ZC3H18: variants seen among roughly 807,000 people sequenced by gnomAD.
ZC3H18 encodes the protein zinc finger CCCH domain-containing protein 18.
In ZC3H18, 8 loss-of-function variants were observed where a neutral mutation model predicts 106.1. That is an observed-to-expected ratio of 0.08 (90% CI 0.04 to 0.14). The LOEUF is 0.14. Among genes scored for constraint, ZC3H18 ranks in the 10% least tolerant of loss-of-function variants. The pLI, the probability that ZC3H18 is intolerant of heterozygous loss-of-function variation, is 1.00. For missense variants in ZC3H18, 1,318 were observed against 1,278.4 expected (o/e 1.03, Z -0.47); for synonymous variants, 635 against 522.1 (o/e 1.22, Z -2.95).
At chr16:88,610,973 T>C (rs1330349661) in intron 7 of ZC3H18, among the ~76,000 whole-genome samples, 3 of 151,982 alleles carry the variant, frequency 2.0e-5, no homozygotes, top group Non-Finnish European at 4.4e-5. Context: ...TTTGCTCTAA[T>C]TTGGCATCTG....
chr16:88,627,397 C>G lies in ZC3H18; in HGVS notation c.2109-225C>G, dbSNP rs986857744. 2.9e-5 allele frequency: 15 copies of G among 514,206 alleles called. No individual in the cohort carries two copies. Among genetic ancestry groups the G allele is most frequent in the Non-Finnish European group, 4.7e-5 (14 of 296,194 alleles). 31.9% of individuals were successfully genotyped at this position (514,206 alleles called of 1,614,324 possible). On this transcript the variant is annotated intron_variant, in intron 13 of 17. Coordinates refer to ENST00000301011, the MANE Select transcript of ZC3H18 (RefSeq NM_144604.4). This position sits in a 1 kb window ranked among gnomAD's most constrained non-coding sequence, Gnocchi z 4.5. ...GGATTACAGGCGTGAGCAGCCGTGC[C>G]TGGCTGCAACCTGACATTGATTAGT...
intron 3 of ZC3H18, among the ~76,000 whole-genome samples, chr16:88,587,319 GGGGGATTC>G (rs1391491874): frequency 3.3e-5 from 5 of 152,196 alleles, no homozygotes; most frequent in Non-Finnish European, 7.3e-5. Flanking sequence ...TTAATGTCTT[GGGGGATTC>G]GGAAATGGAA....
At chr16:88,609,490 C>T (rs1451704057) in intron 7 of ZC3H18, among the ~76,000 whole-genome samples, 1 of 151,798 alleles carries the variant, frequency 6.6e-6, no homozygotes, top group Non-Finnish European at 1.5e-5. Flanking sequence ...TTTGTAGAGA[C>T]GGGGTTTTAC....
intron 3 of ZC3H18, 140 bp from the exon 4 acceptor site, chr16:88,598,038 T>A: frequency 5.7e-6 from 3 of 527,914 alleles, no homozygotes; most frequent in Non-Finnish European, 9.5e-6. Flanking sequence ...CACCTCCCCG[T>A]TCAGTTCCCA....
At chr16:88,570,858 C>T (rs1466361759) in intron 1 of ZC3H18, among the ~76,000 whole-genome samples, 1 of 152,240 alleles carries the variant, frequency 6.6e-6, no homozygotes, top group Non-Finnish European at 1.5e-5. Context: ...TTTCCTGAAG[C>T]TGTCATTTCT....
At chr16:88,615,723 T>C (rs1042916406) in intron 8 of ZC3H18, among the ~76,000 whole-genome samples, 2 of 152,154 alleles carry the variant, frequency 1.3e-5, no homozygotes, top group African/African-American at 4.8e-5. Context: ...TCTGGGTTTA[T>C]GAGTCCGTCA....
At chr16:88,574,667 ATTTTTTTTT>A (rs35816940) in intron 1 of ZC3H18, among the ~76,000 whole-genome samples, 23 of 79,850 alleles carry the variant, frequency 2.9e-4, no homozygotes, top group South Asian at 4.4e-4. Flanking sequence ...CACCCAGCTA[ATTTTTTTTT>A]TTTTTTTTTT....
chr16:88,602,307 C>T (rs1326638043), intron 6 of ZC3H18, among the ~76,000 whole-genome samples: 2 of 152,244 alleles, frequency 1.3e-5, no homozygotes, highest in Non-Finnish European at 2.9e-5. Flanking sequence ...GTGTTGCAAT[C>T]CTGCTGCATG....
intron 3 of ZC3H18, among the ~76,000 whole-genome samples, chr16:88,588,128 T>A (rs1452150689): frequency 6.6e-6 from 1 of 152,162 alleles, no homozygotes; most frequent in Admixed American, 6.5e-5. Context: ...GTATTCACAG[T>A]GTCAGTATTT....
chr16:88,586,131 G>A (rs1490929606), intron 2 of ZC3H18, among the ~76,000 whole-genome samples: 2 of 152,098 alleles, frequency 1.3e-5, no homozygotes, highest in African/African-American at 2.4e-5. Context: ...TTGAGGATGA[G>A]CCTCAAGGCG....
intron 3 of ZC3H18, chr16:88,587,529 ACTT>A: frequency 6.5e-7 from 1 of 1,535,562 alleles, no homozygotes; most frequent in Non-Finnish European, 8.7e-7. Context: ...AGCTTCCTGT[ACTT>A]CTTTTCCAGA....
chr16:88,602,424 C>T (rs1024664913), intron 6 of ZC3H18, among the ~76,000 whole-genome samples: 1 of 152,210 alleles, frequency 6.6e-6, no homozygotes, highest in East Asian at 1.9e-4. Flanking sequence ...GGATTGATAG[C>T]TGTGACCTCC....
In ZC3H18 at chr16:88,586,802, T is replaced by C. The variant is rs563049588; in HGVS notation, c.688+118T>C. The C allele has an allele frequency of 1.7e-4, 107 of 629,354 alleles. No homozygotes were observed. In the East Asian group the frequency reaches 3.7e-3, roughly 22 times the overall value. The allele number at this position is 629,354 out of a possible 1,614,324, so 39.0% of individuals were successfully genotyped here. On this transcript the variant is annotated intron_variant, in intron 3 of 17. Transcript: ENST00000301011. ...CTCAAGGCAGTTCTCTGGGCATTAC[T>C]GGCTAGGTGGTGGTGGTGGTGGTGG...
At chr16:88,619,516 T>G (rs1905828088) in intron 8 of ZC3H18, among the ~76,000 whole-genome samples, 1 of 152,146 alleles carries the variant, frequency 6.6e-6, no homozygotes, top group African/African-American at 2.4e-5. Context: ...CACTGACCCC[T>G]GCTGGGCCTG....
intron 2 of ZC3H18, among the ~76,000 whole-genome samples, chr16:88,580,802 C>T (rs975902233): frequency 6.6e-6 from 1 of 152,188 alleles, no homozygotes. Context: ...GGAAAGCAGC[C>T]TCTGCGTGTG....
chr16:88,598,569 T>A, intron 4 of ZC3H18, 51 bp from the exon 5 acceptor site: 1 of 1,551,676 alleles, frequency 6.4e-7, no homozygotes. Flanking sequence ...GGTTTCTCTG[T>A]ACACTTGAAA....
Position 88,630,596 on chromosome 16 carries a change from G to A in ZC3H18, c.2663+15G>A. The A allele has an allele frequency of 6.3e-7, 1 of 1,591,832 alleles. No homozygotes were observed. On this transcript the variant is annotated intron_variant, in intron 17 of 17. Transcript: ENST00000301011. ...CCGGCTGACAGGTGAGTCCCACCCA[G>A]CATGTGCCCTGGGCACACCGAGGGG...
At chr16:88,591,496 C>T (rs1024095400) in intron 3 of ZC3H18, among the ~76,000 whole-genome samples, 1 of 151,748 alleles carries the variant, frequency 6.6e-6, no homozygotes, top group African/African-American at 2.4e-5. Context: ...CGCTTGAACC[C>T]AGTAGGTGGA....
rs775531904 is a variant in ZC3H18 at position 88,625,306 on chromosome 16, C to T, written c.2108+39C>T. The T allele has an allele frequency of 7.7e-6, 12 of 1,558,896 alleles. No homozygotes were observed. In the East Asian group the frequency reaches 1.7e-4, roughly 22 times the overall value. On this transcript the variant is annotated intron_variant, in intron 13 of 17. Coordinates refer to ENST00000301011, the MANE Select transcript of ZC3H18 (RefSeq NM_144604.4). Reference sequence around the variant, plus strand: ...CCCTGTGCCTCTGTTTCTCCCTCCCCGTCGGGGCCAGGAAGTCCCAGAAGC... The same window carrying T: ...CCCTGTGCCTCTGTTTCTCCCTCCCTGTCGGGGCCAGGAAGTCCCAGAAGC...
Sources: allele counts gnomAD v4.1 joint callset (sites outside exome capture counted in the v4.1 genomes callset), GRCh38; gene constraint gnomAD v4.1.1; non-coding constraint Gnocchi (gnomAD v3.1); transcripts MANE v1.5; gene names NCBI Gene and HGNC (gene_info 2026-07-23, HGNC 2026-07-21).